The following LSAMP variants were observed in gnomAD, a reference collection of about 807,000 sequenced individuals.
LSAMP encodes the protein limbic system associated membrane protein, also known as limbic system-associated membrane protein.
In LSAMP, 7 loss-of-function variants were observed where a neutral mutation model predicts 38.6. That is an observed-to-expected ratio of 0.18 (90% CI 0.10 to 0.34). The LOEUF is 0.34. Among genes scored for constraint, LSAMP ranks in the 10% least tolerant of loss-of-function variants. The pLI is 1.00. For synonymous variants in LSAMP, 154 were observed against 166.8 expected (o/e 0.92, Z 0.59); for missense variants, 313 against 420.0 (o/e 0.75, Z 2.23).
chr3:116,202,046 G>A lies in LSAMP; in HGVS notation c.156-115490C>T, dbSNP rs1041614086. On this transcript the variant is annotated intron_variant, in intron 1 of 6. Coordinates refer to ENST00000490035, the MANE Select transcript of LSAMP (RefSeq NM_002338.5). ...TATTCTCTGACCCTTATGATTCCAGGTTTGCCTACTTCAGTCATGACTACC... is the reference window on the plus strand; with the variant it reads ...TATTCTCTGACCCTTATGATTCCAGATTTGCCTACTTCAGTCATGACTACC... 1.4e-4 allele frequency among the ~76,000 whole-genome samples: 21 copies of A among 151,698 alleles called. No homozygotes were observed. The South Asian group carries it at 1.9e-3, about 14-fold the overall frequency.
chr3:116,375,182 G>A (rs2048479193), intron 1 of LSAMP, among the ~76,000 whole-genome samples: 1 of 151,854 alleles, frequency 6.6e-6, no homozygotes, highest in Non-Finnish European at 1.5e-5. Context: ...ATTATATGCT[G>A]ACTAAGAGAA....
At chr3:115,948,123 A>C (rs1938162525) in intron 3 of LSAMP, among the ~76,000 whole-genome samples, 2 of 152,224 alleles carry the variant, frequency 1.3e-5, no homozygotes, top group African/African-American at 4.8e-5. Flanking sequence ...ATAAGGTCTA[A>C]ATAATATACA....
At chr3:116,113,486 C>T (rs1271671506) in intron 1 of LSAMP, among the ~76,000 whole-genome samples, 1 of 115,988 alleles carries the variant, frequency 8.6e-6, no homozygotes, top group Non-Finnish European at 1.6e-5. Context: ...AGTGCAGTGG[C>T]GGGATCTCGG....
chr3:116,283,360 G>A (rs1026190259), intron 1 of LSAMP, among the ~76,000 whole-genome samples: 5 of 152,188 alleles, frequency 3.3e-5, no homozygotes, highest in Admixed American at 1.3e-4. Flanking sequence ...CAGTTGTTGA[G>A]TGGGAAGAAT....
intron 3 of LSAMP, among the ~76,000 whole-genome samples, chr3:115,949,584 T>C (rs1467789022): frequency 6.6e-6 from 1 of 151,352 alleles, no homozygotes; most frequent in African/African-American, 2.4e-5. Flanking sequence ...GAAACACTAA[T>C]AAAAAAAATT....
At chr3:116,026,263 G>A (rs747198655) in intron 2 of LSAMP, among the ~76,000 whole-genome samples, 2 of 152,086 alleles carry the variant, frequency 1.3e-5, no homozygotes, top group Non-Finnish European at 2.9e-5. Flanking sequence ...TATTGTCTTT[G>A]TAGTTCCTTT....
At chr3:116,259,273 T>C (rs1226907521) in intron 1 of LSAMP, among the ~76,000 whole-genome samples, 1 of 152,156 alleles carries the variant, frequency 6.6e-6, no homozygotes, top group Admixed American at 6.6e-5. Context: ...CTCAAAAACC[T>C]TTTTTAGCTT....
chr3:116,435,404 C>T (rs1316595050), intron 1 of LSAMP, among the ~76,000 whole-genome samples: 2 of 152,280 alleles, frequency 1.3e-5, no homozygotes, highest in Admixed American at 6.5e-5. Flanking sequence ...CGTGTCACCC[C>T]TGCCTGCCTC....
At chr3:116,359,520 T>G (rs1403391584) in intron 1 of LSAMP, among the ~76,000 whole-genome samples, 1 of 152,216 alleles carries the variant, frequency 6.6e-6, no homozygotes, top group Non-Finnish European at 1.5e-5. Flanking sequence ...TTAGGAAACT[T>G]GACTCATATT....
At chr3:116,430,956 G>T (rs917375812) in intron 1 of LSAMP, among the ~76,000 whole-genome samples, 2 of 151,394 alleles carry the variant, frequency 1.3e-5, no homozygotes, top group Non-Finnish European at 2.9e-5. Context: ...TTTTGAATGA[G>T]ATTTGGTATA....
chr3:116,254,013 G>A (rs893899661), intron 1 of LSAMP, among the ~76,000 whole-genome samples: 4 of 151,884 alleles, frequency 2.6e-5, no homozygotes, highest in Non-Finnish European at 4.4e-5. Context: ...ATCTTCTAAC[G>A]TCCAGTAGCA....
intron 1 of LSAMP, among the ~76,000 whole-genome samples, chr3:116,400,930 T>G (rs62269074): frequency 0.013 from 2,048 of 152,302 alleles, 13 homozygotes; most frequent in Non-Finnish European, 0.022. Context: ...GCATATATAC[T>G]ACCTACCACA....
intron 2 of LSAMP, among the ~76,000 whole-genome samples, chr3:116,025,279 G>A (rs954430498): frequency 3.3e-5 from 5 of 151,988 alleles, no homozygotes; most frequent in African/African-American, 1.2e-4. Context: ...CAGTTTCAGT[G>A]ATAACTACAT....
intron 3 of LSAMP, among the ~76,000 whole-genome samples, chr3:115,971,098 T>A (rs1939003857): frequency 6.6e-6 from 1 of 152,078 alleles, no homozygotes; most frequent in Non-Finnish European, 1.5e-5. Flanking sequence ...TAAGGATTAA[T>A]CCTAGCATGG....
intron 3 of LSAMP, among the ~76,000 whole-genome samples, chr3:115,948,071 G>A (rs1186355911): frequency 6.6e-6 from 1 of 152,022 alleles, no homozygotes; most frequent in African/African-American, 2.4e-5. Flanking sequence ...AAAAATCTGG[G>A]GACAAAATAG....
intron 2 of LSAMP, among the ~76,000 whole-genome samples, chr3:116,048,943 C>T (rs1270951682): frequency 6.6e-6 from 1 of 152,126 alleles, no homozygotes; most frequent in Non-Finnish European, 1.5e-5. Context: ...CCAAGGACTC[C>T]TGGAGTTGAA....
At chr3:116,443,268 T>C (rs2049461362) in intron 1 of LSAMP, among the ~76,000 whole-genome samples, 1 of 152,196 alleles carries the variant, frequency 6.6e-6, no homozygotes, top group African/African-American at 2.4e-5. Flanking sequence ...ACAGATAAAT[T>C]ACTCTGTAAA....
At chr3:116,155,241 T>G (rs2107531285) in intron 1 of LSAMP, among the ~76,000 whole-genome samples, 1 of 152,248 alleles carries the variant, frequency 6.6e-6, no homozygotes, top group Middle Eastern at 3.4e-3. Context: ...TTGTTTTTTT[T>G]GAGACAGAGT....
At chr3:116,369,126 G>C (rs1326536904) in intron 1 of LSAMP, among the ~76,000 whole-genome samples, 1 of 150,594 alleles carries the variant, frequency 6.6e-6, no homozygotes, top group Non-Finnish European at 1.5e-5. Flanking sequence ...CCATAAAGAA[G>C]AAAGCAAGAA....
Sources: allele counts gnomAD v4.1 joint callset (sites outside exome capture counted in the v4.1 genomes callset), GRCh38; gene constraint gnomAD v4.1.1; transcripts MANE v1.5; gene names NCBI Gene and HGNC (gene_info 2026-07-23, HGNC 2026-07-21).